Variants in COL4A2 observed in about 807,000 individuals in gnomAD.
COL4A2 encodes collagen type IV alpha 2 chain.
In COL4A2, 99 loss-of-function variants were observed where a neutral mutation model predicts 200.2. That is an observed-to-expected ratio of 0.49 (90% CI 0.42 to 0.58). The LOEUF (loss-of-function observed/expected upper bound fraction) is 0.58, where lower values mean the gene tolerates loss of function less well. Ranked by LOEUF, COL4A2 falls within the 20% of genes least tolerant of loss-of-function variation. COL4A2 has a pLI of 0.00. For synonymous variants in COL4A2, 897 were observed against 900.6 expected, an observed-to-expected ratio of 1.00 and a Z score of 0.07; for missense variants, 1,950 against 2,314.1, an observed-to-expected ratio of 0.84 and a Z score of 3.23.
chr13:110,500,706 C>T (rs1424602256), intron 40 of COL4A2, among the ~76,000 whole-genome samples: 1 of 152,210 alleles, frequency 6.6e-6, no homozygotes, highest in Non-Finnish European at 1.5e-5. Context: ...CTGCAAGCCT[C>T]TGCTCACAAG....
intron 3 of COL4A2, among the ~76,000 whole-genome samples, chr13:110,338,659 G>T (rs527263284): frequency 1.3e-5 from 2 of 152,262 alleles, no homozygotes; most frequent in Non-Finnish European, 2.9e-5. Context: ...AGGCAATCCA[G>T]CCATCTCTGC....
chr13:110,396,529 A>C (rs1879188776), intron 4 of COL4A2, among the ~76,000 whole-genome samples: 1 of 152,196 alleles, frequency 6.6e-6, no homozygotes, highest in South Asian at 2.1e-4. Flanking sequence ...CAGGAGTGGT[A>C]GAATCTGGCC....
intron 22 of COL4A2, among the ~76,000 whole-genome samples, chr13:110,461,014 C>T (rs1335499732): frequency 3.3e-5 from 5 of 152,178 alleles, no homozygotes; most frequent in South Asian, 2.1e-4. Flanking sequence ...TTGGAAATAG[C>T]GTCAACCAAG....
chr13:110,348,623 C>G (rs1876817973), intron 3 of COL4A2, among the ~76,000 whole-genome samples: 1 of 151,714 alleles, frequency 6.6e-6, no homozygotes, highest in South Asian at 2.1e-4. Flanking sequence ...TCCAGCTTGA[C>G]TGGACTTGTG....
chr13:110,349,493 C>T (rs943594875), intron 3 of COL4A2, among the ~76,000 whole-genome samples: 6 of 152,230 alleles, frequency 3.9e-5, no homozygotes, highest in African/African-American at 1.4e-4. Flanking sequence ...AGCTGCCACT[C>T]TTGATCTCTG....
At chr13:110,388,567 C>T (rs1157431572) in intron 4 of COL4A2, among the ~76,000 whole-genome samples, 6 of 152,308 alleles carry the variant, frequency 3.9e-5, no homozygotes, top group Non-Finnish European at 1.5e-5. Context: ...AGTTTTTAAT[C>T]CATCAGAGAG....
At chr13:110,481,937 C>T (rs75821431) in intron 31 of COL4A2, among the ~76,000 whole-genome samples, 6,678 of 34,658 alleles carry the variant, frequency 0.19, 468 homozygotes, top group African/African-American at 0.28. Context: ...AGACACACTG[C>T]TCTGTCCCTC....
intron 20 of COL4A2, among the ~76,000 whole-genome samples, chr13:110,452,227 G>A (rs1339297628): frequency 6.6e-6 from 1 of 152,204 alleles, no homozygotes; most frequent in Non-Finnish European, 1.5e-5. Context: ...TCCGCCTCCC[G>A]GGTTCGTTCC....
In COL4A2 at chr13:110,508,494, A is replaced by C. The variant is rs1883966217; in HGVS notation, c.4881+273A>C. Among the ~76,000 whole-genome samples the C allele has an allele frequency of 1.3e-5, 2 of 152,338 alleles. No individual in the cohort carries two copies. Among genetic ancestry groups the C allele is most frequent in the African/African-American group, 4.8e-5 (2 of 41,576 alleles). On this transcript the variant is annotated intron_variant, in intron 47 of 47. Coordinates refer to ENST00000360467, the MANE Select transcript of COL4A2 (RefSeq NM_001846.4). This position sits in a 1 kb window ranked among gnomAD's most constrained non-coding sequence, Gnocchi z 6.1. ...TGTAACCAGGACGAACTTGCCTGTT[A>C]TCCGTCTTACTAGGTACAACACCAA...
At chr13:110,368,963 C>T (rs1029745206) in intron 4 of COL4A2, among the ~76,000 whole-genome samples, 25 of 152,130 alleles carry the variant, frequency 1.6e-4, no homozygotes, top group African/African-American at 5.5e-4. Context: ...AATCCCAGCA[C>T]TTTGGGAGGC....
chr13:110,373,756 A>G (rs1406908230), intron 4 of COL4A2, among the ~76,000 whole-genome samples: 1 of 152,222 alleles, frequency 6.6e-6, no homozygotes, highest in Non-Finnish European at 1.5e-5. Flanking sequence ...CTGAGAATCT[A>G]TGACATCCTA....
At chr13:110,376,474 C>A (rs1228922513) in intron 4 of COL4A2, among the ~76,000 whole-genome samples, 26 of 151,324 alleles carry the variant, frequency 1.7e-4, no homozygotes, top group African/African-American at 6.3e-4. Context: ...ATTAGCCCCC[C>A]CACCCAAAAA....
At position 110,469,906 on chromosome 13, in the gene COL4A2, C is replaced by CTTTTTTT. The variant is rs66524559; in HGVS notation, c.2203+599_2203+605dup. ...GCCTTGATTGCAGGGGCATACACGTCTTTTTTTTTTTTTTTTTTTTTTTAA... is the reference window on the plus strand; with the variant it reads ...GCCTTGATTGCAGGGGCATACACGTCTTTTTTTTTTTTTTTTTTTTTTTTTTTTTTAA... On this transcript the variant is annotated intron_variant, in intron 28 of 47. Transcript: ENST00000360467. Among the ~76,000 whole-genome samples the CTTTTTTT allele has an allele frequency of 8.2e-4, 62 of 75,590 alleles. 4 individuals are homozygous for CTTTTTTT. The highest frequency in any genetic ancestry group is 9.9e-4 in the Non-Finnish European group (42 of 42,398). 49.6% of individuals were successfully genotyped at this position (75,590 alleles called of 152,430 possible).
rs780068001 is a variant in COL4A2, at chr13:110,307,674, G to A, written c.-45+146G>A. ...GCGAAGACCGAGCTCCTCGGCCAAG[G>A]AGCACCCACAGGGGCCTAACGGGAG... On this transcript the variant is annotated intron_variant, in intron 1 of 47. Transcript: ENST00000360467. This position sits in a 1 kb window ranked among gnomAD's most constrained non-coding sequence, Gnocchi z 5.0. The A allele has an allele frequency of 1.2e-5, 7 of 593,614 alleles. No homozygotes were observed. Among genetic ancestry groups the A allele is most frequent in the Non-Finnish European group, 2.1e-5 (7 of 340,278 alleles). The allele number at this position is 593,614 out of a possible 1,614,324, so 36.8% of individuals were successfully genotyped here. A position where few individuals can be genotyped will look rare whatever the true frequency, so the allele number is the denominator to read the frequency against.
intron 3 of COL4A2, among the ~76,000 whole-genome samples, chr13:110,339,761 G>GA (rs751409180): frequency 4.6e-5 from 7 of 152,144 alleles, no homozygotes. Context: ...TTGGTGGGAG[G>GA]AAAAAATCAA....
intron 3 of COL4A2, among the ~76,000 whole-genome samples, chr13:110,342,002 C>CA (rs1321990706): frequency 6.6e-6 from 1 of 152,160 alleles, no homozygotes; most frequent in Non-Finnish European, 1.5e-5. Flanking sequence ...AGACAGGACT[C>CA]ACGAATTTTT....
chr13:110,394,851 A>G (rs1295665666), intron 4 of COL4A2, among the ~76,000 whole-genome samples: 3 of 152,120 alleles, frequency 2.0e-5, no homozygotes, highest in African/African-American at 7.2e-5. Flanking sequence ...GCCACTCCCT[A>G]ATTTTCTCCA....
intron 20 of COL4A2, among the ~76,000 whole-genome samples, chr13:110,454,554 G>A (rs540246766): frequency 6.6e-6 from 1 of 152,174 alleles, no homozygotes; most frequent in Admixed American, 6.5e-5. Context: ...ACAACTGACC[G>A]GACACGCAGC....
chr13:110,317,394 A>G (rs1885165712), intron 3 of COL4A2, among the ~76,000 whole-genome samples: 1 of 151,646 alleles, frequency 6.6e-6, no homozygotes, highest in Non-Finnish European at 1.5e-5. Context: ...TCATGCGTGT[A>G]CACACACACA....
Sources: allele counts gnomAD v4.1 joint callset (sites outside exome capture counted in the v4.1 genomes callset), GRCh38; gene constraint gnomAD v4.1.1; non-coding constraint Gnocchi (gnomAD v3.1); transcripts MANE v1.5; gene names NCBI Gene and HGNC (gene_info 2026-07-23, HGNC 2026-07-21).